The following LARS1 variants were observed in gnomAD, a reference collection of about 807,000 sequenced individuals.
LARS1 encodes the protein leucyl-tRNA synthetase 1, also known as leucine--tRNA ligase, cytoplasmic.
Under a neutral mutation model 162.8 loss-of-function variants are expected in LARS1, and 100 were observed. That is an observed-to-expected ratio of 0.61 (90% CI 0.52 to 0.73). The LOEUF is 0.73. LARS1 is among the 30% of genes least tolerant of loss of function. The probability of loss-of-function intolerance (pLI) is 0.00; values close to 1 mark genes in which losing one functional copy is unlikely to be tolerated. For missense variants in LARS1, 1,258 were observed against 1,408.9 expected (o/e 0.89, Z 1.71); for synonymous variants, 457 against 462.8 (o/e 0.99, Z 0.16).
intron 31 of LARS1, among the ~76,000 whole-genome samples, chr5:146,116,061 G>A (rs559097820): frequency 8.5e-5 from 13 of 152,242 alleles, no homozygotes; most frequent in African/African-American, 2.4e-4. Flanking sequence ...AATTACCTGC[G>A]ACTACCACAA....
At chr5:146,119,958 T>C (rs900144449) in intron 31 of LARS1, among the ~76,000 whole-genome samples, 1 of 152,174 alleles carries the variant, frequency 6.6e-6, no homozygotes, top group Non-Finnish European at 1.5e-5. Context: ...ATGGAAGACA[T>C]GCAATAACTT....
At chr5:146,122,102 C>T (rs1163285609) in intron 30 of LARS1, among the ~76,000 whole-genome samples, 1 of 152,044 alleles carries the variant, frequency 6.6e-6, no homozygotes, top group African/African-American at 2.4e-5. Flanking sequence ...CCAGTTTATA[C>T]AAAACAGCCT....
rs183472620 is a variant in LARS1, at chr5:146,119,780, G to A, written c.3325+591C>T. Among the ~76,000 whole-genome samples the A allele has an allele frequency of 2.0e-5, 3 of 152,228 alleles. No homozygotes were observed. In the East Asian group the frequency reaches 5.8e-4, roughly 29 times the overall value. ...ACATTGTTTAGAAGAAAGAATATGA[G>A]CTTTGGAGTCAAACAGACCTGTTTG... On this transcript the variant is annotated intron_variant, in intron 31 of 31. Transcript: ENST00000394434.
chr5:146,149,174 G>A (rs1753157207), intron 15 of LARS1, among the ~76,000 whole-genome samples: 1 of 152,162 alleles, frequency 6.6e-6, no homozygotes, highest in Admixed American at 6.5e-5. Context: ...GGAAATTGCT[G>A]CTTTTTTATT....
chr5:146,180,349 A>G (rs973746453), intron 1 of LARS1, among the ~76,000 whole-genome samples: 8 of 152,146 alleles, frequency 5.3e-5, no homozygotes, highest in African/African-American at 1.9e-4. Context: ...TCTGGCCAAC[A>G]TGGTGAAACC....
chr5:146,128,951 T>TA (rs1478108791), intron 26 of LARS1, 27 bp downstream of exon 26: 16 of 1,549,324 alleles, frequency 1.0e-5, no homozygotes, highest in African/African-American at 1.4e-5. Flanking sequence ...GAATAATCCT[T>TA]TAAAAAAAAA....
At chr5:146,137,496 C>G (rs1210122065) in intron 21 of LARS1, among the ~76,000 whole-genome samples, 4 of 151,844 alleles carry the variant, frequency 2.6e-5, no homozygotes. Flanking sequence ...AAAAAATCAC[C>G]CATATTATTA....
chr5:146,135,660 G>C lies in LARS1; in HGVS notation c.2153C>G (p.Ser718Ter). ...AGTGAGGAAGTTGCCTGTGGATTTT[G>C]ACATCTGAAATAGAGAGTCAGTGAT... ...GHLLLNSEKMSKSTGNFLTLT... is the reference protein window; with the variant it reads ...GHLLLNSEKM The change falls in exon 22 of 32, where the codon TCA (serine) becomes TGA (stop). Residue 718 changes from serine (S) to a stop codon, truncating the protein, a stop_gained. Coordinates refer to ENST00000394434, the MANE Select transcript of LARS1 (RefSeq NM_020117.11). LOFTEE classifies it high-confidence loss of function. 6.3e-7 allele frequency: 1 copy of C among 1,594,284 alleles called. No individual in the cohort carries two copies. Among genetic ancestry groups the C allele is most frequent in the Non-Finnish European group, 8.5e-7 (1 of 1,173,394 alleles).
intron 4 of LARS1, among the ~76,000 whole-genome samples, chr5:146,171,175 G>C (rs113207170): frequency 3.3e-5 from 5 of 151,946 alleles, no homozygotes; most frequent in African/African-American, 1.2e-4. Flanking sequence ...TAGCCAACAC[G>C]GGGAAACCTC....
chr5:146,172,907 T>C, intron 2 of LARS1, 133 bp from the exon 3 acceptor site: 1 of 423,802 alleles, frequency 2.4e-6, no homozygotes, highest in East Asian at 3.7e-5. Context: ...TAAAAGTAAA[T>C]TTATAAATCT....
intron 6 of LARS1, among the ~76,000 whole-genome samples, chr5:146,162,018 C>A (rs1040143845): frequency 2.6e-5 from 4 of 152,200 alleles, no homozygotes; most frequent in African/African-American, 9.7e-5. Context: ...GCAATTTCTA[C>A]CACATCTGCA....
intron 4 of LARS1, among the ~76,000 whole-genome samples, chr5:146,170,296 G>C (rs1754203177): frequency 6.6e-6 from 1 of 151,506 alleles, no homozygotes; most frequent in Non-Finnish European, 1.5e-5. Context: ...GTGAAACCCT[G>C]TTTACACTAA....
chr5:146,171,076 G>A (rs1191326661), intron 4 of LARS1, among the ~76,000 whole-genome samples: 1 of 151,800 alleles, frequency 6.6e-6, no homozygotes, highest in Non-Finnish European at 1.5e-5. Context: ...GTTGCAGAAG[G>A]CCGGGCATGG....
chr5:146,159,741 T>C (rs888272002), intron 7 of LARS1, among the ~76,000 whole-genome samples: 1 of 152,094 alleles, frequency 6.6e-6, no homozygotes, highest in African/African-American at 2.4e-5. Context: ...AAACATAAAT[T>C]GACTTAACAA....
intron 6 of LARS1, among the ~76,000 whole-genome samples, chr5:146,162,739 T>C (rs558618283): frequency 6.6e-6 from 1 of 152,388 alleles, no homozygotes; most frequent in African/African-American, 2.4e-5. Flanking sequence ...ATAGAAAATC[T>C]GTTGTTTAGC....
In LARS1 at chr5:146,120,515, A is replaced by G; in HGVS notation, c.3193-12T>C. On this transcript the variant is annotated splice_polypyrimidine_tract_variant and intron_variant, in intron 30 of 31. Transcript: ENST00000394434. ...ACGGACACACCAGGCTAGGAAAACA[A>G]CAAGAAAATGATTGTTTAACTTGAA... The G allele has an allele frequency of 6.2e-7, 1 of 1,606,714 alleles. No homozygotes were observed. Among genetic ancestry groups the G allele is most frequent in the Non-Finnish European group, 8.5e-7 (1 of 1,177,516 alleles).
intron 2 of LARS1, among the ~76,000 whole-genome samples, chr5:146,176,065 T>C (rs911625066): frequency 3.3e-5 from 5 of 151,820 alleles, no homozygotes; most frequent in African/African-American, 9.7e-5. Flanking sequence ...GGAAGAAGGA[T>C]TGCTTGAGCT....
chr5:146,117,046 T>A lies in LARS1; in HGVS notation c.3326-2735A>T, dbSNP rs375745612. Among the ~76,000 whole-genome samples the A allele has an allele frequency of 8.3e-4, 126 of 152,342 alleles. 4 individuals carry two copies. In the South Asian group the frequency reaches 0.025, roughly 30 times the overall value. The stretch of plus-strand genomic sequence containing the variant: ...AATAGCAATTTCAAACTCTCTCTAA[T>A]GTTTCTATTTTCTAAAATTTACAAC... On this transcript the variant is annotated intron_variant, in intron 31 of 31. Transcript: ENST00000394434.
In LARS1 at chr5:146,120,410, T is replaced by C. The variant is rs373129039; in HGVS notation, c.3286A>G (p.Ile1096Val). The C allele has an allele frequency of 5.4e-5, 87 of 1,613,428 alleles. No homozygotes were observed. Among genetic ancestry groups the C allele is most frequent in the East Asian group, 5.3e-4 (24 of 44,882 alleles). Residue 1096 changes from isoleucine to valine, a missense_variant, in exon 31 of 32, where the codon ATA becomes GTA. Coordinates refer to ENST00000394434, the MANE Select transcript of LARS1 (RefSeq NM_020117.11). ...EIRQGDNCDS[I>V]IRRLMKMNRG... Reference sequence around the variant, plus strand: ...TTCATTTTCATTAAACGCCTGATTATGGAATCACAGTTATCTCCTTGCCTG... The same window carrying C: ...TTCATTTTCATTAAACGCCTGATTACGGAATCACAGTTATCTCCTTGCCTG...
Sources: allele counts gnomAD v4.1 joint callset (sites outside exome capture counted in the v4.1 genomes callset), GRCh38; gene constraint gnomAD v4.1.1; transcripts MANE v1.5; gene names NCBI Gene and HGNC (gene_info 2026-07-23, HGNC 2026-07-21).